Variants in ATP7A observed in about 807,000 individuals in gnomAD.
ATP7A encodes copper-transporting ATPase 1.
A neutral mutation model predicts 83.5 loss-of-function variants in ATP7A; 7 were observed. That is an observed-to-expected ratio of 0.08 (90% CI 0.05 to 0.16). ATP7A has a LOEUF of 0.16. Ranked by LOEUF, ATP7A falls within the 10% of genes least tolerant of loss-of-function variation. The probability of loss-of-function intolerance (pLI) is 1.00; values close to 1 mark genes in which losing one functional copy is unlikely to be tolerated. For missense variants in ATP7A, 940 were observed against 1,120.8 expected, an observed-to-expected ratio of 0.84 and a Z score of 2.30; for synonymous variants, 354 against 395.2, an observed-to-expected ratio of 0.90 and a Z score of 1.24.
At chrX:78,021,113 A>T (rs1196883049) in intron 14 of ATP7A, 34 bp downstream of exon 14, 2 of 1,171,313 alleles carry the variant, frequency 1.7e-6, no homozygotes, top group Non-Finnish European at 2.3e-6. Context: ...TACTATATGC[A>T]GAACAATTTG....
At chrX:77,977,762 C>T (rs1266209838) in intron 2 of ATP7A, among the ~76,000 whole-genome samples, 3 of 112,475 alleles carry the variant, frequency 2.7e-5, no homozygotes, top group African/African-American at 9.7e-5. Context: ...GTGATTTATA[C>T]AAATTCCAGT....
At chrX:77,927,487 C>G (rs1358520340) in intron 1 of ATP7A, among the ~76,000 whole-genome samples, 3 of 111,362 alleles carry the variant, frequency 2.7e-5, no homozygotes, top group Non-Finnish European at 5.7e-5. Context: ...TTGACCAATT[C>G]TGTATTGATA....
chrX:78,040,707 A>G lies in ATP7A; in HGVS notation c.3775A>G (p.Lys1259Glu), dbSNP rs782428979. ...AGTTCTGATGACTGGAGACAACAGTAAAACAGCTAGATCTATTGCTTCTCA... is the reference window on the plus strand; with the variant it reads ...AGTTCTGATGACTGGAGACAACAGTGAAACAGCTAGATCTATTGCTTCTCA... ...EVVLMTGDNS[K>E]TARSIASQVG... is the part of the protein sequence containing the mutation. The change falls in exon 19 of 23, where the codon AAA becomes GAA. Residue 1259 changes from lysine to glutamate, a missense_variant. Physicochemically the swap from Lys to Glu is moderately conservative, Grantham distance 56. Transcript: ENST00000341514. The G allele has an allele frequency of 1.4e-5, 17 of 1,209,704 alleles. No individual in the cohort carries two copies. Among genetic ancestry groups the G allele is most frequent in the East Asian group, 1.2e-4 (4 of 33,811 alleles).
In ATP7A at chrX:78,011,199, G is replaced by C. The variant is rs372898963; in HGVS notation, c.1893G>C (p.Leu631Phe). The C allele has an allele frequency of 1.8e-4, 218 of 1,207,620 alleles. No individual in the cohort carries two copies. Among genetic ancestry groups the C allele is most frequent in the Non-Finnish European group, 2.4e-4 (211 of 893,674 alleles). ...TIESLGFEAS[L>F]VKKDRSASHL... The stretch of plus-strand genomic sequence containing the variant: ...AGAGCTTAGGTTTTGAAGCTTCTTT[G>C]GTCAAGAAGGATCGGTCAGCAAGTC... Residue 631 changes from leucine (L) to phenylalanine (F), a missense_variant, in exon 8 of 23, where the codon TTG becomes TTC. Leu to Phe is a conservative substitution (Grantham distance 22). Coordinates refer to ENST00000341514, the MANE Select transcript of ATP7A (RefSeq NM_000052.7).
At position 78,029,367 on chromosome X, in the gene ATP7A, G is replaced by A; in HGVS notation, c.3034G>A (p.Val1012Met). The change falls in exon 15 of 23, where the codon GTG becomes ATG. Residue 1012 changes from valine to methionine, a missense_variant. Val to Met is a conservative substitution (Grantham distance 21, BLOSUM62 1). Coordinates refer to ENST00000341514, the MANE Select transcript of ATP7A (RefSeq NM_000052.7). Reference protein sequence around the residue: ...CSLGLATPTAVMVGTGVGAQN... With the variant: ...CSLGLATPTAMMVGTGVGAQN... ...ACTGGGACTGGCCACTCCAACTGCT[G>A]TGATGGTGGGTACAGGAGTAGGTGC... The A allele has an allele frequency of 8.3e-7, 1 of 1,211,637 alleles. No homozygotes were observed. Among genetic ancestry groups the A allele is most frequent in the Non-Finnish European group, 1.1e-6 (1 of 895,402 alleles).
intron 1 of ATP7A, among the ~76,000 whole-genome samples, chrX:77,967,157 G>A (rs1261027721): frequency 8.1e-5 from 9 of 111,797 alleles, no homozygotes; most frequent in African/African-American, 2.6e-4. Flanking sequence ...TATCATTGAT[G>A]GGCATTTGGG....
chrX:78,021,908 C>T (rs782371242), intron 14 of ATP7A, among the ~76,000 whole-genome samples: 21 of 111,079 alleles, frequency 1.9e-4, no homozygotes, highest in Non-Finnish European at 3.4e-4. Flanking sequence ...CTCCCCTACC[C>T]CCGACTGATT....
intron 4 of ATP7A, among the ~76,000 whole-genome samples, chrX:77,997,015 A>G (rs984196741): frequency 9.8e-5 from 11 of 111,777 alleles, no homozygotes; most frequent in Middle Eastern, 4.7e-3. Flanking sequence ...CTGAATCAGT[A>G]TCTTTCTGAA....
At chrX:77,923,257 C>T (rs2077224762) in intron 1 of ATP7A, 2 of 111,541 alleles carry the variant, frequency 1.8e-5, no homozygotes, top group South Asian at 7.4e-4. Flanking sequence ...TCATCTGCAC[C>T]CTAGATTCTG....
intron 1 of ATP7A, among the ~76,000 whole-genome samples, chrX:77,931,428 C>G (rs1326720352): frequency 2.7e-5 from 3 of 112,062 alleles, no homozygotes; most frequent in Non-Finnish European, 3.8e-5. Context: ...TACACAGACA[C>G]GGCAACCATC....
chrX:77,995,831 C>T (rs1420586889), intron 4 of ATP7A, among the ~76,000 whole-genome samples: 2 of 110,745 alleles, frequency 1.8e-5, no homozygotes, highest in African/African-American at 6.5e-5. Context: ...GCAACCTCCG[C>T]CTCCCGGGTT....
chrX:77,978,787 TATG>T (rs2149077622), intron 2 of ATP7A, among the ~76,000 whole-genome samples: 1 of 111,971 alleles, frequency 8.9e-6, no homozygotes, highest in Non-Finnish European at 1.9e-5. Context: ...TATGGATTTT[TATG>T]ATATTTGTTA....
intron 1 of ATP7A, among the ~76,000 whole-genome samples, chrX:77,929,463 A>T (rs2077259984): frequency 9.0e-6 from 1 of 111,707 alleles, no homozygotes; most frequent in Non-Finnish European, 1.9e-5. Context: ...TTAGAGTCAG[A>T]TTCTATCATT....
Position 78,036,235 on chromosome X carries a change from AGGG to A in ATP7A, c.3511+2416_3511+2418del, listed in dbSNP as rs1435988248. On this transcript the variant is annotated intron_variant, in intron 17 of 22. Coordinates refer to ENST00000341514, the MANE Select transcript of ATP7A (RefSeq NM_000052.7). ...CTGTGGAGGAAAATTAAGTGGGGCA[AGGG>A]GCATAGGGGTGCTGGGAGTAGTGGG... Among the ~76,000 whole-genome samples the A allele has an allele frequency of 1.3e-3, 148 of 111,529 alleles. 1 individual carries two copies. Among genetic ancestry groups the A allele is most frequent in the African/African-American group, 4.6e-3 (142 of 30,718 alleles).
At chrX:77,927,453 T>C (rs938667335) in intron 1 of ATP7A, among the ~76,000 whole-genome samples, 1 of 111,730 alleles carries the variant, frequency 9.0e-6, no homozygotes, top group Admixed American at 9.5e-5. Context: ...ATTATGTGTT[T>C]TTAATGGAGA....
At position 78,005,934 on chromosome X, in the gene ATP7A, T is replaced by C. The variant is rs782443287; in HGVS notation, c.1707+2698T>C. Among the ~76,000 whole-genome samples the C allele has an allele frequency of 8.1e-5, 9 of 110,875 alleles. No homozygotes were observed. The South Asian group carries it at 3.4e-3, about 42-fold the overall frequency. On this transcript the variant is annotated intron_variant, in intron 6 of 22. Transcript: ENST00000341514. ...TATACGAAGAACTTTTATACATCAA[T>C]AAGACAAGCGTCAGCACCCCAAAAT...
chrX:77,987,335 A>C (rs2077642421), intron 2 of ATP7A, among the ~76,000 whole-genome samples: 1 of 111,238 alleles, frequency 9.0e-6, no homozygotes, highest in Non-Finnish European at 1.9e-5. Context: ...CCTGGAAGAT[A>C]ATAGGGCATA....
chrX:78,029,282 G>A lies in ATP7A; in HGVS notation c.2949G>A (p.Thr983=), dbSNP rs782757659. The change falls in exon 15 of 23, where the codon ACG becomes ACA. Residue 983 remains threonine, a synonymous_variant. Coordinates refer to ENST00000341514, the MANE Select transcript of ATP7A (RefSeq NM_000052.7). The stretch of plus-strand genomic sequence containing the variant: ...ATAGAAGTATCTCCCGAACAGAAAC[G>A]ATAATACGATTTGCTTTCCAAGCCT... The part of the protein sequence containing the change: ...GYNRSISRTE[T]IIRFAFQASI... The A allele has an allele frequency of 1.1e-5, 13 of 1,211,087 alleles. No homozygotes were observed. The highest frequency in any genetic ancestry group is 3.5e-5 in the South Asian group (2 of 56,977).
At chrX:78,027,017 G>A (rs1408922464) in intron 14 of ATP7A, among the ~76,000 whole-genome samples, 2 of 110,318 alleles carry the variant, frequency 1.8e-5, no homozygotes, top group East Asian at 5.7e-4. Context: ...AGGCATGGTG[G>A]CACGCACCTG....
Sources: allele counts gnomAD v4.1 joint callset (sites outside exome capture counted in the v4.1 genomes callset), GRCh38; gene constraint gnomAD v4.1.1; transcripts MANE v1.5; gene names NCBI Gene and HGNC (gene_info 2026-07-23, HGNC 2026-07-21).